UNC5A: variants seen among roughly 807,000 people sequenced by gnomAD.
UNC5A encodes the protein unc-5 netrin receptor A.
In UNC5A, 20 loss-of-function variants were observed where a neutral mutation model predicts 87.4. The ratio of observed to expected loss-of-function variants is 0.23; its 90% CI spans 0.16 to 0.33. UNC5A has a LOEUF of 0.33. Among genes scored for constraint, UNC5A ranks in the 10% least tolerant of loss-of-function variants. The pLI, the probability that UNC5A is intolerant of heterozygous loss-of-function variation, is 1.00. For synonymous variants in UNC5A, 438 were observed against 482.3 expected (o/e 0.91, Z 1.20); for missense variants, 844 against 1,133.4 (o/e 0.74, Z 3.67).
intron 1 of UNC5A, among the ~76,000 whole-genome samples, chr5:176,825,201 G>A (rs1371124403): frequency 1.3e-5 from 2 of 152,210 alleles, no homozygotes; most frequent in African/African-American, 4.8e-5. Context: ...CGACATGCAT[G>A]AGCTCGAATC....
At chr5:176,830,582 G>A (rs568741510) in intron 1 of UNC5A, among the ~76,000 whole-genome samples, 37 of 142,988 alleles carry the variant, frequency 2.6e-4, no homozygotes, top group African/African-American at 9.7e-4. Context: ...GTGTGTGTGC[G>A]CGTGCTGGTG....
chr5:176,855,224 G>A (rs1191038904), intron 1 of UNC5A, among the ~76,000 whole-genome samples: 1 of 152,184 alleles, frequency 6.6e-6, no homozygotes, highest in African/African-American at 2.4e-5. Flanking sequence ...TCAGCCTTAC[G>A]AAGGCCTACA....
intron 2 of UNC5A, among the ~76,000 whole-genome samples, chr5:176,867,149 T>C (rs531374907): frequency 6.6e-6 from 1 of 152,334 alleles, no homozygotes; most frequent in African/African-American, 2.4e-5. Flanking sequence ...TCTCCCTTTC[T>C]GATAAGCCAA....
At chr5:176,868,398 G>A in intron 3 of UNC5A, 125 bp downstream of exon 3, 1 of 1,501,012 alleles carries the variant, frequency 6.7e-7, no homozygotes, top group Non-Finnish European at 9.1e-7. Flanking sequence ...CTGGATGAGT[G>A]GATAAAGTGC....
chr5:176,865,735 C>T lies in UNC5A; in HGVS notation c.293-2395C>T, dbSNP rs1023197602. 10 of 454,422 alleles carry T rather than the reference C, an allele frequency of 2.2e-5. No individual in the cohort carries two copies. In the Middle Eastern group the frequency reaches 9.8e-4, roughly 45 times the overall value. The allele number at this position is 454,422 out of a possible 1,614,324, so 28.1% of individuals were successfully genotyped here. A position where few individuals can be genotyped will look rare whatever the true frequency, so the allele number is the denominator to read the frequency against. On this transcript the variant is annotated intron_variant, in intron 2 of 14. Coordinates refer to ENST00000329542, the MANE Select transcript of UNC5A (RefSeq NM_133369.3). The surrounding 1 kb of genome is among the most constrained non-coding windows in gnomAD (Gnocchi z 5.3). ...GTGGTCAGACAGGTATGGCAGGGCTCGGAGGCCCACCCAGCTCTGCAGCCC... is the reference window on the plus strand; with the variant it reads ...GTGGTCAGACAGGTATGGCAGGGCTTGGAGGCCCACCCAGCTCTGCAGCCC...
chr5:176,820,072 C>T lies in UNC5A; in HGVS notation c.70+9252C>T, dbSNP rs1405329072. Among the ~76,000 whole-genome samples the T allele has an allele frequency of 2.0e-5, 3 of 151,822 alleles. No homozygotes were observed. The East Asian group carries it at 5.8e-4, about 29-fold the overall frequency. On this transcript the variant is annotated intron_variant, in intron 1 of 14. Coordinates refer to ENST00000329542, the MANE Select transcript of UNC5A (RefSeq NM_133369.3). ...GGTCAGGAGATCGAGACCATCCTGG[C>T]TAACACGGTGAAACCTCGTCTCTAC...
At chr5:176,837,328 A>C (rs1757171006) in intron 1 of UNC5A, among the ~76,000 whole-genome samples, 1 of 152,176 alleles carries the variant, frequency 6.6e-6, no homozygotes, top group Non-Finnish European at 1.5e-5. Flanking sequence ...TGAGCCGGTG[A>C]GGACAGGAGC....
rs898984240 is a variant in UNC5A at position 176,875,149 on chromosome 5, C to T, written c.1378+583C>T. On this transcript the variant is annotated intron_variant, in intron 8 of 14. Transcript: ENST00000329542. This position sits in a 1 kb window ranked among gnomAD's most constrained non-coding sequence, Gnocchi z 5.2. ...TGTTCCATAAATGTAGGTGTGCCTC[C>T]GAGCTCCCTCCCAGTGCCCTTCTCC... is the stretch of plus-strand genomic sequence containing the variant. Among the ~76,000 whole-genome samples, 4 of 152,164 alleles carry T rather than the reference C, an allele frequency of 2.6e-5. No individual in the cohort carries two copies. Among genetic ancestry groups the T allele is most frequent in the Non-Finnish European group, 4.4e-5 (3 of 68,036 alleles).
In UNC5A at chr5:176,878,604, G is replaced by A. The variant is rs758492026; in HGVS notation, c.2149G>A (p.Gly717Arg). 1.6e-5 allele frequency: 25 copies of A among 1,612,524 alleles called. No homozygotes were observed. In the Admixed American group the frequency reaches 2.0e-4, roughly 13 times the overall value. ...KLWVWQVEGDGQSFSINFNIT... is the reference protein window; with the variant it reads ...KLWVWQVEGDRQSFSINFNIT... The stretch of plus-strand genomic sequence containing the variant: ...GTGGGTGTGGCAGGTGGAGGGCGAC[G>A]GGCAGAGCTTCAGCATCAACTTCAA... The change falls in exon 13 of 15, where the codon GGG becomes AGG. Residue 717 changes from glycine to arginine, a missense_variant. This residue lies in a region of UNC5A where 177 missense variants were observed against 279.4 expected (regional missense o/e 0.63). Transcript: ENST00000329542.
At chr5:176,827,472 C>A (rs1486838389) in intron 1 of UNC5A, among the ~76,000 whole-genome samples, 1 of 152,172 alleles carries the variant, frequency 6.6e-6, no homozygotes, top group Non-Finnish European at 1.5e-5. Flanking sequence ...TGTGAGCCAC[C>A]ATGCCCAGCC....
At chr5:176,811,326 C>T (rs1756448371) in intron 1 of UNC5A, among the ~76,000 whole-genome samples, 1 of 152,248 alleles carries the variant, frequency 6.6e-6, no homozygotes, top group Non-Finnish European at 1.5e-5. Context: ...GTGTCCTCCT[C>T]TGTCCCCGCC....
chr5:176,863,736 C>CCCCTCCCTCTCCTCCT (rs1478494332), intron 2 of UNC5A, among the ~76,000 whole-genome samples: 3 of 113,064 alleles, frequency 2.7e-5, no homozygotes, highest in Non-Finnish European at 5.5e-5. Flanking sequence ...CCCCCTTTTC[C>CCCCTCCCTCTCCTCCT]CCCTCCCTCT....
intron 1 of UNC5A, among the ~76,000 whole-genome samples, chr5:176,845,577 CT>C (rs963425903): frequency 6.6e-6 from 1 of 152,222 alleles, no homozygotes; most frequent in Non-Finnish European, 1.5e-5. Flanking sequence ...CAGAGCAAGC[CT>C]TCCAGAAATG....
chr5:176,832,405 C>T (rs933342021), intron 1 of UNC5A, among the ~76,000 whole-genome samples: 4 of 152,214 alleles, frequency 2.6e-5, no homozygotes, highest in Admixed American at 2.6e-4. Context: ...CTGATCCAAG[C>T]TAGCTCTCGT....
chr5:176,836,328 G>A (rs566438737), intron 1 of UNC5A, among the ~76,000 whole-genome samples: 32 of 152,330 alleles, frequency 2.1e-4, no homozygotes, highest in African/African-American at 7.2e-4. Flanking sequence ...TTGTGGTCAC[G>A]CCTCCTCAGG....
intron 8 of UNC5A, 99 bp from the exon 9 acceptor site, chr5:176,877,093 C>CCAGTCAGT: frequency 1.0e-6 from 1 of 962,208 alleles, no homozygotes; most frequent in Non-Finnish European, 1.6e-6. Context: ...CGGGCTGGCA[C>CCAGTCAGT]CAGTCAGTCC....
At chr5:176,858,902 C>G (rs2113646606) in intron 1 of UNC5A, among the ~76,000 whole-genome samples, 1 of 152,242 alleles carries the variant, frequency 6.6e-6, no homozygotes, top group African/African-American at 2.4e-5. Context: ...GGTGAGAGCC[C>G]TGACCGGGAC....
At chr5:176,816,558 C>T (rs2113580312) in intron 1 of UNC5A, among the ~76,000 whole-genome samples, 1 of 152,370 alleles carries the variant, frequency 6.6e-6, no homozygotes, top group East Asian at 1.9e-4. Context: ...TGGACCAGTA[C>T]TAGGGTGAGG....
intron 1 of UNC5A, among the ~76,000 whole-genome samples, chr5:176,860,076 C>A (rs1190944299): frequency 1.3e-5 from 2 of 152,212 alleles, no homozygotes; most frequent in African/African-American, 4.8e-5. Context: ...GGGCCGCACA[C>A]CCCCTCCCTG....
Sources: gnomAD v4.1 joint callset for allele counts (sites outside exome capture counted in the v4.1 genomes callset) on GRCh38, gnomAD v4.1.1 for gene constraint, gnomAD v4.1.1 regional missense constraint, Gnocchi (gnomAD v3.1) non-coding constraint, MANE v1.5 for transcripts, NCBI Gene and HGNC (gene_info 2026-07-23, HGNC 2026-07-21) for gene names.